CLSTN2: variants seen among roughly 807,000 people sequenced by gnomAD.
CLSTN2 encodes the protein calsyntenin 2, also known as calsyntenin-2.
In CLSTN2, 48 loss-of-function variants were observed where a neutral mutation model predicts 101.2. The observed-to-expected ratio is 0.47, with a 90% CI of 0.38 to 0.60. The LOEUF is 0.60. CLSTN2 is among the 20% of genes least tolerant of loss of function. The pLI, the probability that CLSTN2 is intolerant of heterozygous loss-of-function variation, is 0.00. For missense variants in CLSTN2, 1,160 were observed against 1,238.2 expected, an observed-to-expected ratio of 0.94 and a Z score of 0.95; for synonymous variants, 481 against 463.6, an observed-to-expected ratio of 1.04 and a Z score of -0.48.
intron 2 of CLSTN2, among the ~76,000 whole-genome samples, chr3:140,343,853 T>C (rs1417981423): frequency 2.6e-5 from 4 of 152,218 alleles, no homozygotes; most frequent in Non-Finnish European, 5.9e-5. Context: ...CTGATGTATG[T>C]GTAGCTCACT....
At position 139,935,374 on chromosome 3, in the gene CLSTN2, G is replaced by T. The variant is rs1935001109; in HGVS notation, c.-1G>T. 4 of 1,227,974 alleles carry T rather than the reference G, an allele frequency of 3.3e-6. No homozygotes were observed. The highest frequency in any genetic ancestry group is 4.1e-6 in the Non-Finnish European group (4 of 984,948). 76.1% of individuals were successfully genotyped at this position (1,227,974 alleles called of 1,614,324 possible). ...GCAGCTCGTTGGCGGCTGCTGCGAG[G>T]ATGCTGCCTGGGCGGCTGTGCTGGG... On this transcript the variant is annotated 5_prime_UTR_variant, in exon 1 of 17. Transcript: ENST00000458420. The surrounding 1 kb of genome is among the most constrained non-coding windows in gnomAD (Gnocchi z 5.5).
intron 2 of CLSTN2, among the ~76,000 whole-genome samples, chr3:140,230,379 T>A (rs2086359841): frequency 6.6e-6 from 1 of 152,252 alleles, no homozygotes; most frequent in African/African-American, 2.4e-5. Context: ...GCTAGTCTAG[T>A]GCTTGAAGCA....
chr3:140,317,103 G>C (rs1468494522), intron 2 of CLSTN2, among the ~76,000 whole-genome samples: 1 of 152,212 alleles, frequency 6.6e-6, no homozygotes, highest in African/African-American at 2.4e-5. Context: ...TCCCAGATTA[G>C]TGGATCCTCT....
intron 2 of CLSTN2, among the ~76,000 whole-genome samples, chr3:140,207,496 T>C (rs2107844702): frequency 6.6e-6 from 1 of 152,306 alleles, no homozygotes; most frequent in Non-Finnish European, 1.5e-5. Flanking sequence ...GAAGTAATAA[T>C]GCTTTCCTCA....
chr3:140,416,592 T>C (rs1175285712), intron 4 of CLSTN2, among the ~76,000 whole-genome samples: 1 of 152,248 alleles, frequency 6.6e-6, no homozygotes, highest in African/African-American at 2.4e-5. Context: ...ACCACTCGTA[T>C]GTGTGTGTCT....
intron 2 of CLSTN2, among the ~76,000 whole-genome samples, chr3:140,363,657 C>G (rs2087754166): frequency 1.3e-5 from 2 of 152,160 alleles, no homozygotes; most frequent in Non-Finnish European, 2.9e-5. Context: ...GCCTCACATT[C>G]CACCCAAGCC....
intron 2 of CLSTN2, among the ~76,000 whole-genome samples, chr3:140,320,872 C>T (rs2087277415): frequency 6.6e-6 from 1 of 152,068 alleles, no homozygotes; most frequent in Admixed American, 6.6e-5. Context: ...GAAGACAAGG[C>T]AAGTCTCTGA....
intron 2 of CLSTN2, among the ~76,000 whole-genome samples, chr3:140,230,945 C>A (rs59740557): frequency 0.04 from 6,051 of 152,226 alleles, 370 homozygotes; most frequent in African/African-American, 0.14. Flanking sequence ...GGAGGCTTCA[C>A]TGGCAGCGTG....
At chr3:140,300,066 C>T (rs758685355) in intron 2 of CLSTN2, among the ~76,000 whole-genome samples, 2 of 152,184 alleles carry the variant, frequency 1.3e-5, no homozygotes, top group African/African-American at 2.4e-5. Flanking sequence ...GCTCTTGGCT[C>T]CCTCACTGGG....
Position 140,351,744 on chromosome 3 carries a change from A to G in CLSTN2, c.233-51885A>G, listed in dbSNP as rs73867133. Among the ~76,000 whole-genome samples, 207 of 152,054 alleles carry G rather than the reference A, an allele frequency of 1.4e-3. 1 individual carries two copies. Among genetic ancestry groups the G allele is most frequent in the African/African-American group, 4.8e-3 (198 of 41,498 alleles). On this transcript the variant is annotated intron_variant, in intron 2 of 16. Transcript: ENST00000458420. ...TGGTGGAGCAAAGATATATAGCCTT[A>G]AAGGGTCATATAATCATCTTTGAAA...
chr3:140,126,358 A>G (rs572816742), intron 1 of CLSTN2, among the ~76,000 whole-genome samples: 23 of 152,132 alleles, frequency 1.5e-4, no homozygotes, highest in African/African-American at 4.8e-4. Flanking sequence ...AAAGACATGA[A>G]AAGGTGTGGA....
chr3:140,086,601 C>T lies in CLSTN2; in HGVS notation c.110-89350C>T, dbSNP rs553351107. Among the ~76,000 whole-genome samples, 30 of 152,250 alleles carry T rather than the reference C, an allele frequency of 2.0e-4. 1 individual carries two copies. The East Asian group carries it at 2.9e-3, about 15-fold the overall frequency. On this transcript the variant is annotated intron_variant, in intron 1 of 16. Coordinates refer to ENST00000458420, the MANE Select transcript of CLSTN2 (RefSeq NM_022131.3). ...TCAATCCAACAGGAGTTAAAGTTCACCTGGTTTATTTATCATGTATACACT... is the reference window on the plus strand; with the variant it reads ...TCAATCCAACAGGAGTTAAAGTTCATCTGGTTTATTTATCATGTATACACT...
Position 140,171,451 on chromosome 3 carries a change from C to G in CLSTN2, c.110-4500C>G, listed in dbSNP as rs117190647. Among the ~76,000 whole-genome samples the G allele has an allele frequency of 5.5e-4, 83 of 151,598 alleles. 1 individual carries two copies. The East Asian group carries it at 0.015, about 27-fold the overall frequency. Reference sequence around the variant, plus strand: ...ATGGTGGCCTTGGTTGAGTCTGCCACTGCTCCTGGAACAGCTCTGAACTGA... The same window carrying G: ...ATGGTGGCCTTGGTTGAGTCTGCCAGTGCTCCTGGAACAGCTCTGAACTGA... On this transcript the variant is annotated intron_variant, in intron 1 of 16. Coordinates refer to ENST00000458420, the MANE Select transcript of CLSTN2 (RefSeq NM_022131.3).
At chr3:140,155,134 A>G (rs1039209459) in intron 1 of CLSTN2, among the ~76,000 whole-genome samples, 3 of 152,184 alleles carry the variant, frequency 2.0e-5, no homozygotes, top group Non-Finnish European at 4.4e-5. Context: ...TTCTGAAGCT[A>G]TTACTCTGGC....
intron 1 of CLSTN2, among the ~76,000 whole-genome samples, chr3:139,945,360 T>C (rs1935199698): frequency 6.6e-6 from 1 of 152,236 alleles, no homozygotes; most frequent in African/African-American, 2.4e-5. Flanking sequence ...AGTATTCAAA[T>C]GGAAGTGGCT....
chr3:140,086,519 A>G (rs745736600), intron 1 of CLSTN2, among the ~76,000 whole-genome samples: 6 of 152,216 alleles, frequency 3.9e-5, no homozygotes, highest in African/African-American at 1.4e-4. Flanking sequence ...TGCCTGGCAC[A>G]TAAGTGCAAC....
At chr3:140,202,019 G>A (rs1439764186) in intron 2 of CLSTN2, among the ~76,000 whole-genome samples, 1 of 152,224 alleles carries the variant, frequency 6.6e-6, no homozygotes, top group Non-Finnish European at 1.5e-5. Flanking sequence ...TTTCAGCAGA[G>A]GCAACTGCCA....
At chr3:140,279,468 TGGA>T (rs1277324065) in intron 2 of CLSTN2, among the ~76,000 whole-genome samples, 1 of 152,136 alleles carries the variant, frequency 6.6e-6, no homozygotes, top group Non-Finnish European at 1.5e-5. Context: ...AGGAGATAAA[TGGA>T]GGAGGAAGGA....
At chr3:139,941,460 G>C (rs1935126227) in intron 1 of CLSTN2, among the ~76,000 whole-genome samples, 1 of 152,124 alleles carries the variant, frequency 6.6e-6, no homozygotes, top group Non-Finnish European at 1.5e-5. Flanking sequence ...AAAGATAAAA[G>C]CAAGTTCCAA....
Sources: gnomAD v4.1 joint callset for allele counts (sites outside exome capture counted in the v4.1 genomes callset) on GRCh38, gnomAD v4.1.1 for gene constraint, Gnocchi (gnomAD v3.1) non-coding constraint, MANE v1.5 for transcripts, NCBI Gene and HGNC (gene_info 2026-07-23, HGNC 2026-07-21) for gene names.